Variants in SORCS1 observed in about 807,000 individuals in gnomAD.
SORCS1 encodes the protein sortilin related VPS10 domain containing receptor 1, also known as VPS10 domain-containing receptor SorCS1.
A neutral mutation model predicts 146.1 loss-of-function variants in SORCS1; 60 were observed. The observed-to-expected ratio is 0.41, with a 90% CI of 0.33 to 0.51. SORCS1 has a LOEUF of 0.51. Among genes scored for constraint, SORCS1 ranks in the 20% least tolerant of loss-of-function variants. The probability of loss-of-function intolerance (pLI) is 0.21; values close to 1 mark genes in which losing one functional copy is unlikely to be tolerated. For synonymous variants in SORCS1, 637 were observed against 584.0 expected (o/e 1.09, Z -1.31); for missense variants, 1,352 against 1,487.6 (o/e 0.91, Z 1.50).
At chr10:106,642,536 A>G (rs1451261608) in intron 18 of SORCS1, among the ~76,000 whole-genome samples, 1 of 152,210 alleles carries the variant, frequency 6.6e-6, no homozygotes, top group Non-Finnish European at 1.5e-5. Flanking sequence ...ATGCACTCAT[A>G]TGGATTTTGA....
chr10:106,911,537 C>A (rs1019787390), intron 2 of SORCS1, among the ~76,000 whole-genome samples: 1 of 152,008 alleles, frequency 6.6e-6, no homozygotes, highest in African/African-American at 2.4e-5. Context: ...ACCAGGATCA[C>A]GAACTCAGTA....
At chr10:106,977,799 C>T (rs1463391354) in intron 1 of SORCS1, among the ~76,000 whole-genome samples, 1 of 152,182 alleles carries the variant, frequency 6.6e-6, no homozygotes, top group Non-Finnish European at 1.5e-5. Flanking sequence ...AACCTTGACA[C>T]ATAGTACGGC....
intron 1 of SORCS1, among the ~76,000 whole-genome samples, chr10:107,121,217 T>C (rs1966387483): frequency 6.6e-6 from 1 of 152,216 alleles, no homozygotes; most frequent in African/African-American, 2.4e-5. Context: ...CATGTGATTA[T>C]TCATGAGATT....
intron 2 of SORCS1, among the ~76,000 whole-genome samples, chr10:106,836,524 C>G (rs1948797344): frequency 6.7e-6 from 1 of 150,324 alleles, no homozygotes; most frequent in South Asian, 2.1e-4. Context: ...TGCGCACTGG[C>G]CAGCATCCTT....
rs11193193 is a variant in SORCS1, at chr10:107,074,527, G to A, written c.558+89442C>T. On this transcript the variant is annotated intron_variant, in intron 1 of 25. Coordinates refer to ENST00000263054, the MANE Select transcript of SORCS1 (RefSeq NM_052918.5). ...AACAGTGGTGTACAAGTTTTCGTGT[G>A]GACATAAGTTTTCAACTCCTGTGGA... is the stretch of plus-strand genomic sequence containing the variant. 5.1e-4 allele frequency among the ~76,000 whole-genome samples: 78 copies of A among 152,260 alleles called. 1 individual carries two copies. The East Asian group carries it at 0.01, about 20-fold the overall frequency.
intron 14 of SORCS1, among the ~76,000 whole-genome samples, chr10:106,674,633 G>C (rs1457074463): frequency 6.6e-6 from 1 of 152,124 alleles, no homozygotes; most frequent in African/African-American, 2.4e-5. Context: ...CTGTTCTCAT[G>C]ATTTTCCTAA....
chr10:106,916,836 A>G (rs1952460156), intron 2 of SORCS1, among the ~76,000 whole-genome samples: 1 of 152,020 alleles, frequency 6.6e-6, no homozygotes, highest in African/African-American at 2.4e-5. Context: ...TGCAACCTCC[A>G]TCTCCCAGAC....
chr10:106,680,058 T>C lies in SORCS1; in HGVS notation c.1561-324A>G, dbSNP rs150996080. 1.4e-3 allele frequency among the ~76,000 whole-genome samples: 208 copies of C among 152,270 alleles called. 1 individual carries two copies. Among genetic ancestry groups the C allele is most frequent in the African/African-American group, 4.8e-3 (201 of 41,562 alleles). On this transcript the variant is annotated intron_variant, in intron 10 of 25. Transcript: ENST00000263054. ...ATTAATTACCATAAAAAGAGAATCT[T>C]TTAACAGCCATAAAAAATGAAGAGA...
intron 4 of SORCS1, among the ~76,000 whole-genome samples, chr10:106,772,700 C>A (rs561350136): frequency 1.4e-4 from 22 of 152,274 alleles, no homozygotes; most frequent in African/African-American, 5.3e-4. Context: ...CTTAATATGA[C>A]CTCCCATAGG....
intron 1 of SORCS1, among the ~76,000 whole-genome samples, chr10:107,134,262 C>T (rs1485310753): frequency 6.6e-6 from 1 of 152,206 alleles, no homozygotes. Context: ...AAATATTTCA[C>T]AACTTTTTAA....
At chr10:107,159,535 A>C (rs1044871050) in intron 1 of SORCS1, among the ~76,000 whole-genome samples, 3 of 152,160 alleles carry the variant, frequency 2.0e-5, no homozygotes, top group Non-Finnish European at 4.4e-5. Context: ...ACTAGGAATA[A>C]AGCACTTTGT....
chr10:106,990,898 T>A (rs12263891), intron 1 of SORCS1, among the ~76,000 whole-genome samples: 1 of 131,044 alleles, frequency 7.6e-6, no homozygotes, highest in African/African-American at 2.5e-5. Context: ...GGCACACTAC[T>A]CTTTTGCAAA....
At chr10:106,636,983 C>T (rs551899383) in intron 18 of SORCS1, among the ~76,000 whole-genome samples, 2 of 152,278 alleles carry the variant, frequency 1.3e-5, no homozygotes, top group South Asian at 2.1e-4. Flanking sequence ...TAGAGGAATG[C>T]CAAAGTGATG....
intron 2 of SORCS1, among the ~76,000 whole-genome samples, chr10:106,937,611 C>T (rs565932179): frequency 4.6e-5 from 7 of 152,218 alleles, no homozygotes; most frequent in East Asian, 1.9e-4. Context: ...ACTGTGAGTC[C>T]ACTAAACCTG....
At chr10:106,714,897 C>T (rs1855257172) in intron 6 of SORCS1, among the ~76,000 whole-genome samples, 1 of 152,120 alleles carries the variant, frequency 6.6e-6, no homozygotes, top group African/African-American at 2.4e-5. Context: ...TATCTTTGGT[C>T]TGAGAATTAC....
intron 6 of SORCS1, among the ~76,000 whole-genome samples, chr10:106,712,493 T>C (rs1432415206): frequency 6.6e-6 from 1 of 152,186 alleles, no homozygotes; most frequent in African/African-American, 2.4e-5. Context: ...AATTTCTGTG[T>C]TTATTCAAAA....
At chr10:106,676,204 G>A (rs1852012018) in intron 13 of SORCS1, among the ~76,000 whole-genome samples, 1 of 152,018 alleles carries the variant, frequency 6.6e-6, no homozygotes, top group Non-Finnish European at 1.5e-5. Context: ...TTTGATTTTG[G>A]ACAAACTCAT....
chr10:107,124,953 C>CTTTTTTT (rs577523339), intron 1 of SORCS1, among the ~76,000 whole-genome samples: 77 of 121,580 alleles, frequency 6.3e-4, no homozygotes, highest in Non-Finnish European at 9.5e-4. Flanking sequence ...TTTTCTTTTT[C>CTTTTTTT]TTTTTTTTTT....
At chr10:106,827,131 T>A (rs1037227425) in intron 3 of SORCS1, among the ~76,000 whole-genome samples, 4 of 151,738 alleles carry the variant, frequency 2.6e-5, no homozygotes, top group African/African-American at 9.7e-5. Flanking sequence ...CCTGAAACAA[T>A]CCTGGAGTTT....
Sources: allele counts gnomAD v4.1 joint callset (sites outside exome capture counted in the v4.1 genomes callset), GRCh38; gene constraint gnomAD v4.1.1; transcripts MANE v1.5; gene names NCBI Gene and HGNC (gene_info 2026-07-23, HGNC 2026-07-21).